Variants in CADPS2 observed in about 807,000 individuals in gnomAD.
CADPS2 encodes calcium dependent secretion activator 2, also known as calcium-dependent secretion activator 2.
A neutral mutation model predicts 172.5 loss-of-function variants in CADPS2; 93 were observed. That is an observed-to-expected ratio of 0.54 (90% CI 0.46 to 0.64). The LOEUF (loss-of-function observed/expected upper bound fraction) is 0.64, where lower values mean the gene tolerates loss of function less well. CADPS2 is among the 30% of genes least tolerant of loss of function. CADPS2 has a pLI of 0.00. For synonymous variants in CADPS2, 546 were observed against 555.2 expected, an observed-to-expected ratio of 0.98 and a Z score of 0.23; for missense variants, 1,420 against 1,565.9, an observed-to-expected ratio of 0.91 and a Z score of 1.57.
At chr7:122,373,812 C>T (rs2042040115) in intron 25 of CADPS2, among the ~76,000 whole-genome samples, 1 of 151,994 alleles carries the variant, frequency 6.6e-6, no homozygotes, top group Non-Finnish European at 1.5e-5. Context: ...GTGAATTCCA[C>T]CAAACATTTA....
chr7:122,630,843 T>C (rs771630949), intron 3 of CADPS2, among the ~76,000 whole-genome samples: 1 of 152,050 alleles, frequency 6.6e-6, no homozygotes, highest in Non-Finnish European at 1.5e-5. Context: ...AAAACCAAAT[T>C]CATTTTAAAA....
At position 122,393,302 on chromosome 7, in the gene CADPS2, T is replaced by C. The variant is rs2044631911; in HGVS notation, c.2902A>G (p.Ser968Gly). 6.2e-7 allele frequency: 1 copy of C among 1,613,780 alleles called. No homozygotes were observed. The highest frequency in any genetic ancestry group is 1.1e-5 in the South Asian group (1 of 91,092). Residue 968 changes from serine to glycine, a missense_variant, in exon 22 of 30, where the codon AGT becomes GGT. Coordinates refer to ENST00000449022, the MANE Select transcript of CADPS2 (RefSeq NM_017954.11). ...TWQPVKNIAN[S>G]LPNVALPKVP... ...TTTGGAAGAGCTACATTGGGAAGAC[T>C]GTTGGCGATATTCCTGTAAAGAAAC...
rs1473203784 is a variant in CADPS2, at chr7:122,522,128, T to C, written c.1476-8813A>G. ...AAAATAATTCATTTTATTTTATTTA[T>C]TTTTGAGACAGAGTCTCACTCTGTT... On this transcript the variant is annotated intron_variant, in intron 8 of 29. Coordinates refer to ENST00000449022, the MANE Select transcript of CADPS2 (RefSeq NM_017954.11). 2.0e-5 allele frequency among the ~76,000 whole-genome samples: 3 copies of C among 152,226 alleles called. No homozygotes were observed. The East Asian group carries it at 5.8e-4, about 30-fold the overall frequency.
chr7:122,855,976 A>C (rs1815073731), intron 1 of CADPS2, among the ~76,000 whole-genome samples: 1 of 152,150 alleles, frequency 6.6e-6, no homozygotes, highest in African/African-American at 2.4e-5. Context: ...AAAGAAGTTG[A>C]GGTGGGGAGG....
At chr7:122,790,397 T>TAAA (rs71531917) in intron 1 of CADPS2, among the ~76,000 whole-genome samples, 1 of 117,088 alleles carries the variant, frequency 8.5e-6, no homozygotes, top group Admixed American at 9.1e-5. Context: ...ACAGCGTTTC[T>TAAA]AAAAAAAAAA....
chr7:122,788,847 G>GCGT (rs1794649251), intron 1 of CADPS2, among the ~76,000 whole-genome samples: 1 of 152,134 alleles, frequency 6.6e-6, no homozygotes, highest in South Asian at 2.1e-4. Flanking sequence ...AAGTGAACTT[G>GCGT]TCCTCCTCAG....
rs76304357 is a variant in CADPS2 at position 122,728,415 on chromosome 7, C to A, written c.453+8540G>T. Among the ~76,000 whole-genome samples, 50 of 151,764 alleles carry A rather than the reference C, an allele frequency of 3.3e-4. No homozygotes were observed. The East Asian group carries it at 9.5e-3, about 29-fold the overall frequency. On this transcript the variant is annotated intron_variant, in intron 2 of 29. Transcript: ENST00000449022. ...AGAGATAAGTGAAATGGAATGATACCAATCTGATAGCTGGTGGTAGAAAAT... is the reference window on the plus strand; with the variant it reads ...AGAGATAAGTGAAATGGAATGATACAAATCTGATAGCTGGTGGTAGAAAAT...
chr7:122,839,511 C>A (rs1163355036), intron 1 of CADPS2, among the ~76,000 whole-genome samples: 50 of 151,962 alleles, frequency 3.3e-4, no homozygotes, highest in African/African-American at 1.2e-3. Context: ...AATGGGAGAA[C>A]ATTTTTGCAA....
intron 2 of CADPS2, among the ~76,000 whole-genome samples, chr7:122,671,297 C>T (rs779045536): frequency 2.0e-5 from 3 of 152,190 alleles, no homozygotes; most frequent in Non-Finnish European, 1.5e-5. Flanking sequence ...AAAATATCCA[C>T]TGGATGAGTG....
chr7:122,388,423 G>T (rs2043952208), intron 23 of CADPS2, among the ~76,000 whole-genome samples, 160 bp downstream of exon 23: 1 of 152,020 alleles, frequency 6.6e-6, no homozygotes, highest in Non-Finnish European at 1.5e-5. Flanking sequence ...AATTACATGG[G>T]TCCCCAGAAT....
intron 28 of CADPS2, among the ~76,000 whole-genome samples, chr7:122,345,292 T>C (rs2037403018): frequency 6.6e-6 from 1 of 151,974 alleles, no homozygotes; most frequent in African/African-American, 2.4e-5. Flanking sequence ...CACCCAGCTA[T>C]GTCTTTTATT....
intron 2 of CADPS2, chr7:122,698,973 CAATT>C (rs1228887934): frequency 8.2e-7 from 1 of 1,223,942 alleles, no homozygotes; most frequent in Non-Finnish European, 1.1e-6. Flanking sequence ...CATCTGTTGA[CAATT>C]AATTTAAAAT....
intron 2 of CADPS2, among the ~76,000 whole-genome samples, chr7:122,706,748 A>AAT (rs568818518): frequency 1.8e-4 from 27 of 146,088 alleles, no homozygotes; most frequent in Admixed American, 5.6e-4. Context: ...AAGAGCAAGG[A>AAT]ATATATATAT....
At chr7:122,329,772 T>G (rs1030612927) in intron 28 of CADPS2, among the ~76,000 whole-genome samples, 2 of 152,152 alleles carry the variant, frequency 1.3e-5, no homozygotes, top group Non-Finnish European at 2.9e-5. Flanking sequence ...GAGGTCTCAA[T>G]ACATACTAAT....
At chr7:122,698,702 C>T (rs370998344) in intron 2 of CADPS2, 24 of 1,613,290 alleles carry the variant, frequency 1.5e-5, no homozygotes, top group Non-Finnish European at 6.8e-6. Context: ...ACTATAACTC[C>T]TGCCACTCTC....
chr7:122,695,119 A>C (rs768580149), intron 2 of CADPS2, among the ~76,000 whole-genome samples: 2 of 152,218 alleles, frequency 1.3e-5, no homozygotes, highest in Non-Finnish European at 2.9e-5. Context: ...ATAGCAAGAG[A>C]TAGGGATATT....
At chr7:122,653,851 AT>A (rs1563972303) in intron 3 of CADPS2, among the ~76,000 whole-genome samples, 1 of 152,092 alleles carries the variant, frequency 6.6e-6, no homozygotes, top group Non-Finnish European at 1.5e-5. Context: ...AATAAATGTT[AT>A]GTGTGTTCTG....
intron 8 of CADPS2, among the ~76,000 whole-genome samples, chr7:122,544,249 A>G (rs933323456): frequency 6.6e-5 from 10 of 152,174 alleles, no homozygotes; most frequent in African/African-American, 2.4e-4. Context: ...GAAAGATTAT[A>G]TATATGCACA....
chr7:122,325,147 A>T (rs2033560880), intron 29 of CADPS2, among the ~76,000 whole-genome samples: 1 of 152,170 alleles, frequency 6.6e-6, no homozygotes, highest in Non-Finnish European at 1.5e-5. Context: ...ATAAATATGA[A>T]GTAATTGTAT....
Sources: allele counts gnomAD v4.1 joint callset (sites outside exome capture counted in the v4.1 genomes callset), GRCh38; gene constraint gnomAD v4.1.1; transcripts MANE v1.5; gene names NCBI Gene and HGNC (gene_info 2026-07-23, HGNC 2026-07-21).